ABCC1: variants seen among roughly 807,000 people sequenced by gnomAD.
The protein encoded by ABCC1 is ATP binding cassette subfamily C member 1 (ABCC1 blood group), also known as multidrug resistance-associated protein 1.
In ABCC1, 83 loss-of-function variants were observed where a neutral mutation model predicts 172.9. That is an observed-to-expected ratio of 0.48 (90% CI 0.40 to 0.58). The LOEUF (loss-of-function observed/expected upper bound fraction) is 0.58, where lower values mean the gene tolerates loss of function less well. Ranked by LOEUF, ABCC1 falls within the 20% of genes least tolerant of loss-of-function variation. The pLI is 0.00. For synonymous variants in ABCC1, 937 were observed against 825.2 expected, an observed-to-expected ratio of 1.14 and a Z score of -2.32; for missense variants, 1,817 against 2,002.7, an observed-to-expected ratio of 0.91 and a Z score of 1.77.
intron 12 of ABCC1, among the ~76,000 whole-genome samples, chr16:16,058,836 T>C (rs913901315): frequency 2.0e-5 from 3 of 152,040 alleles, no homozygotes; most frequent in African/African-American, 7.2e-5. Flanking sequence ...ATATCTTTAG[T>C]GTAGAGATGG....
intron 7 of ABCC1, among the ~76,000 whole-genome samples, chr16:16,039,209 TTGTGTG>T (rs749877499): frequency 4.4e-5 from 6 of 137,132 alleles, no homozygotes; most frequent in South Asian, 2.2e-4. Flanking sequence ...GAGGAAGCTT[TTGTGTG>T]TGTGTGTGTG....
chr16:16,032,387 ATAG>A (rs1266418329), intron 5 of ABCC1, among the ~76,000 whole-genome samples: 1 of 152,340 alleles, frequency 6.6e-6, no homozygotes, highest in East Asian at 1.9e-4. Context: ...CTAGCTACTA[ATAG>A]TAGAGAATCT....
At chr16:16,049,201 G>T (rs901751949) in intron 10 of ABCC1, among the ~76,000 whole-genome samples, 2 of 152,122 alleles carry the variant, frequency 1.3e-5, no homozygotes, top group African/African-American at 4.8e-5. Flanking sequence ...ATAACATCCT[G>T]ATAGATAAAG....
chr16:15,961,839 C>T (rs950073360), intron 1 of ABCC1, among the ~76,000 whole-genome samples: 5 of 151,542 alleles, frequency 3.3e-5, no homozygotes, highest in African/African-American at 9.7e-5. Flanking sequence ...ATGTATTCAC[C>T]CATTCCCCTC....
chr16:16,128,360 C>T lies in ABCC1; in HGVS notation c.3819+2449C>T, dbSNP rs113993578. Among the ~76,000 whole-genome samples, 1,047 of 151,772 alleles carry T rather than the reference C, an allele frequency of 6.9e-3. 12 individuals carry two copies. Among genetic ancestry groups the T allele is most frequent in the African/African-American group, 0.024 (981 of 41,386 alleles). ...GAGAAGGGATTTCACCATGTTGGCC[C>T]GGCTGGTCTCGAACTCCTGACCTCG... On this transcript the variant is annotated intron_variant, in intron 26 of 30. Transcript: ENST00000399410.
At chr16:15,991,140 A>G (rs1157527680) in intron 1 of ABCC1, among the ~76,000 whole-genome samples, 2 of 152,024 alleles carry the variant, frequency 1.3e-5, no homozygotes, top group Non-Finnish European at 2.9e-5. Flanking sequence ...GGCTGAGATT[A>G]GGAGATCACT....
intron 1 of ABCC1, among the ~76,000 whole-genome samples, chr16:15,958,322 TCTTGAATTCCTGAACTCAAGTGGATCA>T (rs2046048935): frequency 6.6e-6 from 1 of 151,776 alleles, no homozygotes; most frequent in South Asian, 2.1e-4. Context: ...GCCAGGCTGG[TCTTGAATTCCTGAACTCAAGTGGATCA>T]CTTGAGTTCC....
intron 13 of ABCC1, among the ~76,000 whole-genome samples, chr16:16,070,947 C>T (rs2050322846): frequency 6.6e-6 from 1 of 152,194 alleles, no homozygotes; most frequent in East Asian, 1.9e-4. Flanking sequence ...ATACTCAGCC[C>T]ATATCCAAGT....
intron 23 of ABCC1, among the ~76,000 whole-genome samples, chr16:16,119,390 G>A (rs1053373538): frequency 1.3e-5 from 2 of 152,172 alleles, no homozygotes; most frequent in African/African-American, 4.8e-5. Context: ...GCAGTGAGCT[G>A]ACATTGTGCC....
In ABCC1 at chr16:16,103,258, G is replaced by T. The variant is rs189417012; in HGVS notation, c.2735+541G>T. Among the ~76,000 whole-genome samples, 27 of 152,234 alleles carry T rather than the reference G, an allele frequency of 1.8e-4. No individual in the cohort carries two copies. In the East Asian group the frequency reaches 5.2e-3, roughly 29 times the overall value. ...TCCCTGGGGATTTATAGCGTATGCA[G>T]TATATTAACCATCCTAGCTTTTAAA... On this transcript the variant is annotated intron_variant, in intron 20 of 30. Transcript: ENST00000399410.
chr16:16,124,740 T>C, intron 24 of ABCC1, 49 bp from the exon 25 acceptor site: 1 of 1,612,860 alleles, frequency 6.2e-7, no homozygotes, highest in South Asian at 1.1e-5. Flanking sequence ...GCCAAGTCTC[T>C]GTAGAGCTGA....
chr16:15,998,834 G>A (rs1408232438), intron 1 of ABCC1, among the ~76,000 whole-genome samples: 1 of 152,006 alleles, frequency 6.6e-6, no homozygotes, highest in Admixed American at 6.6e-5. Flanking sequence ...TTATCTCTGG[G>A]CAATACAGTG....
chr16:16,006,880 T>TGGC (rs1567305988), intron 1 of ABCC1, among the ~76,000 whole-genome samples: 4 of 150,314 alleles, frequency 2.7e-5, no homozygotes, highest in Admixed American at 6.7e-5. Context: ...GCGGTGGCGG[T>TGGC]GATGGTGGTG....
Position 16,094,422 on chromosome 16 carries a change from T to C in ABCC1, c.2644+3834T>C, listed in dbSNP as rs1054920918. On this transcript the variant is annotated intron_variant, in intron 19 of 30. Transcript: ENST00000399410. ...ACCATTATAATGTCAGAATGGTACA[T>C]GTTGTTTCTGTAAAGTGGCATCTTT... 6.5e-5 allele frequency: 12 copies of C among 185,582 alleles called. No homozygotes were observed. The South Asian group carries it at 1.1e-3, about 18-fold the overall frequency. The allele number at this position is 185,582 out of a possible 1,614,324, so 11.5% of individuals were successfully genotyped here. A position where few individuals can be genotyped will look rare whatever the true frequency, so the allele number is the denominator to read the frequency against.
chr16:16,112,661 G>A (rs539449316), intron 22 of ABCC1, among the ~76,000 whole-genome samples: 11 of 152,214 alleles, frequency 7.2e-5, no homozygotes, highest in Non-Finnish European at 1.5e-5. Flanking sequence ...ATTGAACAAG[G>A]CAGTCTGGCT....
chr16:16,028,968 G>A (rs149313753), intron 5 of ABCC1, among the ~76,000 whole-genome samples: 4 of 152,198 alleles, frequency 2.6e-5, no homozygotes, highest in African/African-American at 9.6e-5. Context: ...GGCTGTCAGG[G>A]TCCTCCCCCT....
chr16:16,019,607 ACTTT>A (rs926059160), intron 5 of ABCC1, among the ~76,000 whole-genome samples: 1 of 151,950 alleles, frequency 6.6e-6, no homozygotes. Context: ...TGAAGGAGGG[ACTTT>A]CTTAATTTCT....
At chr16:16,055,590 A>C (rs2151913095) in intron 11 of ABCC1, among the ~76,000 whole-genome samples, 1 of 152,024 alleles carries the variant, frequency 6.6e-6, no homozygotes, top group South Asian at 2.1e-4. Flanking sequence ...GAAGAAAAAC[A>C]CCACCACCAT....
chr16:15,976,577 CTT>C (rs1007927567), intron 1 of ABCC1, among the ~76,000 whole-genome samples: 9 of 152,272 alleles, frequency 5.9e-5, no homozygotes, highest in African/African-American at 2.2e-4. Flanking sequence ...AGAGAGGAGT[CTT>C]TTCCAACAGG....
Sources: allele counts gnomAD v4.1 joint callset (sites outside exome capture counted in the v4.1 genomes callset), GRCh38; gene constraint gnomAD v4.1.1; transcripts MANE v1.5; gene names NCBI Gene and HGNC (gene_info 2026-07-23, HGNC 2026-07-21).